The following MTMR8 variants were observed in gnomAD, a reference collection of about 807,000 sequenced individuals.
The protein encoded by MTMR8 is myotubularin related protein 8, also known as phosphatidylinositol-3,5-bisphosphate 3-phosphatase MTMR8.
Under a neutral mutation model 39.3 loss-of-function variants are expected in MTMR8, and 65 were observed. That is an observed-to-expected ratio of 1.65 (90% CI 1.35 to 2.03). MTMR8 has a LOEUF of 2.03. Ranked by LOEUF, MTMR8 falls within the 30% of genes most tolerant of loss-of-function variation. The probability of loss-of-function intolerance (pLI) is 0.00; values close to 1 mark genes in which losing one functional copy is unlikely to be tolerated. For synonymous variants in MTMR8, 245 were observed against 185.2 expected (o/e 1.32, Z -2.62); for missense variants, 777 against 538.9 (o/e 1.44, Z -4.37).
At chrX:64,378,953 A>G (rs1042066585) in intron 1 of MTMR8, among the ~76,000 whole-genome samples, 1 of 111,804 alleles carries the variant, frequency 8.9e-6, no homozygotes, top group African/African-American at 3.2e-5. Flanking sequence ...AGGGGCCATC[A>G]CTACTGATCC....
chrX:64,356,429 A>G (rs1416840457), intron 2 of MTMR8, 91 bp from the exon 3 acceptor site: 1 of 833,245 alleles, frequency 1.2e-6, no homozygotes, highest in East Asian at 3.3e-5. Flanking sequence ...TGGTAACAGC[A>G]TGACCAGATC....
At chrX:64,273,377 A>T (rs1434164575) in intron 12 of MTMR8, among the ~76,000 whole-genome samples, 5 of 110,396 alleles carry the variant, frequency 4.5e-5, no homozygotes, top group Non-Finnish European at 9.5e-5. Flanking sequence ...AGACTGTTAG[A>T]CATTTTATGT....
Position 64,324,814 on chromosome X carries a change from C to CAAAAAAA in MTMR8, c.1481+3951_1481+3957dup, listed in dbSNP as rs758476355. Among the ~76,000 whole-genome samples the CAAAAAAA allele has an allele frequency of 3.5e-4, 10 of 28,687 alleles. 1 individual carries two copies. Among genetic ancestry groups the CAAAAAAA allele is most frequent in the African/African-American group, 2.6e-3 (9 of 3,470 alleles). 24.9% of individuals were successfully genotyped at this position (28,687 alleles called of 115,157 possible). On this transcript the variant is annotated intron_variant, in intron 12 of 13. Transcript: ENST00000374852. The stretch of plus-strand genomic sequence containing the variant: ...TGAAATAAACAGCCTTGTTGCTCAC[C>CAAAAAAA]AAAAAAAAAAAAAAAAAAAAAAAAG...
At chrX:64,287,875 C>G (rs1448860242) in intron 12 of MTMR8, among the ~76,000 whole-genome samples, 6 of 105,204 alleles carry the variant, frequency 5.7e-5, no homozygotes, top group African/African-American at 1.7e-4. Flanking sequence ...AGAAGAAAAC[C>G]TAGACAATAC....
intron 12 of MTMR8, among the ~76,000 whole-genome samples, chrX:64,276,165 T>A (rs1437091624): frequency 9.0e-6 from 1 of 111,182 alleles, no homozygotes; most frequent in Non-Finnish European, 1.9e-5. Context: ...TTTTGAAGGG[T>A]TTTTCATGTC....
chrX:64,293,095 T>A (rs16990392), intron 12 of MTMR8, among the ~76,000 whole-genome samples: 1 of 110,965 alleles, frequency 9.0e-6, no homozygotes. Context: ...ACAGATGACC[T>A]GCAGCATGAT....
At chrX:64,387,256 C>T (rs1284085735) in intron 1 of MTMR8, among the ~76,000 whole-genome samples, 2 of 111,289 alleles carry the variant, frequency 1.8e-5, no homozygotes, top group African/African-American at 6.6e-5. Context: ...TTTCTCCTGA[C>T]TGTCCCAGAG....
intron 12 of MTMR8, among the ~76,000 whole-genome samples, chrX:64,327,827 C>T (rs941350582): frequency 1.2e-4 from 13 of 111,170 alleles, no homozygotes; most frequent in South Asian, 3.8e-4. Context: ...TATACATACA[C>T]GAGGAAATAC....
At chrX:64,313,897 T>C (rs1310218052) in intron 12 of MTMR8, among the ~76,000 whole-genome samples, 1 of 112,623 alleles carries the variant, frequency 8.9e-6, no homozygotes, top group African/African-American at 3.2e-5. Context: ...CTTGCACTCA[T>C]TTTTATCAGC....
chrX:64,305,755 A>G (rs1220716940), intron 12 of MTMR8: 4 of 430,659 alleles, frequency 9.3e-6, no homozygotes, highest in African/African-American at 7.3e-5. Context: ...ATTAGAACAC[A>G]AAGAGCTGAA....
chrX:64,340,661 C>T (rs1034797570), intron 8 of MTMR8, among the ~76,000 whole-genome samples: 3 of 111,709 alleles, frequency 2.7e-5, no homozygotes, highest in Non-Finnish European at 3.8e-5. Context: ...GTTTTTCAAC[C>T]TTTTTGACTT....
chrX:64,318,700 G>GT (rs1569219267), intron 12 of MTMR8, among the ~76,000 whole-genome samples: 4 of 99,304 alleles, frequency 4.0e-5, no homozygotes, highest in Non-Finnish European at 6.0e-5. Flanking sequence ...GGTTTGGTTT[G>GT]GTTTTTTGTT....
At chrX:64,309,810 T>C (rs1224536828) in intron 12 of MTMR8, among the ~76,000 whole-genome samples, 2 of 112,558 alleles carry the variant, frequency 1.8e-5, no homozygotes, top group Non-Finnish European at 3.7e-5. Flanking sequence ...CTATTAAGTA[T>C]GCAACAACAT....
chrX:64,303,681 A>G (rs918820630), intron 12 of MTMR8, among the ~76,000 whole-genome samples: 1 of 112,561 alleles, frequency 8.9e-6, no homozygotes, highest in Non-Finnish European at 1.9e-5. Context: ...TCAATTTACA[A>G]AAACTACTTT....
At chrX:64,317,132 ATATTT>A (rs1444814682) in intron 12 of MTMR8, among the ~76,000 whole-genome samples, 2 of 109,475 alleles carry the variant, frequency 1.8e-5, no homozygotes, top group African/African-American at 6.8e-5. Flanking sequence ...AAAAAAAAGA[ATATTT>A]TAGTTTTCAC....
chrX:64,333,710 C>G (rs1202887742), intron 10 of MTMR8, among the ~76,000 whole-genome samples: 1 of 111,733 alleles, frequency 8.9e-6, no homozygotes, highest in Non-Finnish European at 1.9e-5. Flanking sequence ...TACTCACATT[C>G]CACTTCTTCA....
At chrX:64,269,367 A>G (rs1931705235) in intron 13 of MTMR8, among the ~76,000 whole-genome samples, 1 of 111,876 alleles carries the variant, frequency 8.9e-6, no homozygotes, top group Middle Eastern at 4.6e-3. Context: ...CACTTTACAC[A>G]CAGTATTTCC....
intron 12 of MTMR8, among the ~76,000 whole-genome samples, chrX:64,279,355 G>T (rs1931953979): frequency 8.9e-6 from 1 of 111,939 alleles, no homozygotes; most frequent in Non-Finnish European, 1.9e-5. Flanking sequence ...ACTCAATGTT[G>T]AAAGACTGAA....
intron 12 of MTMR8, among the ~76,000 whole-genome samples, chrX:64,295,535 T>C (rs1256749397): frequency 9.0e-6 from 1 of 111,203 alleles, no homozygotes; most frequent in Non-Finnish European, 1.9e-5. Flanking sequence ...AACCAGAGAA[T>C]GGGAGAAAAT....
Sources: gnomAD v4.1 joint callset for allele counts (sites outside exome capture counted in the v4.1 genomes callset) on GRCh38, gnomAD v4.1.1 for gene constraint, MANE v1.5 for transcripts, NCBI Gene and HGNC (gene_info 2026-07-23, HGNC 2026-07-21) for gene names.